The following KCNH7 variants were observed in gnomAD, a reference collection of about 807,000 sequenced individuals.
KCNH7 encodes the protein potassium voltage-gated channel subfamily H member 7.
KCNH7 carries 49 observed loss-of-function variants against 120.8 expected under a neutral mutation model. The observed-to-expected ratio is 0.41, with a 90% CI of 0.32 to 0.51. The LOEUF (loss-of-function observed/expected upper bound fraction) is 0.51. Among genes scored for constraint, KCNH7 ranks in the 20% least tolerant of loss-of-function variants. The probability of loss-of-function intolerance (pLI) is 0.38; values close to 1 mark genes in which losing one functional copy is unlikely to be tolerated. For synonymous variants in KCNH7, 547 were observed against 516.1 expected, an observed-to-expected ratio of 1.06 and a Z score of -0.81; for missense variants, 1,097 against 1,446.6, an observed-to-expected ratio of 0.76 and a Z score of 3.92.
intron 2 of KCNH7, among the ~76,000 whole-genome samples, chr2:162,642,096 T>C (rs1347135973): frequency 6.6e-6 from 1 of 152,138 alleles, no homozygotes; most frequent in Non-Finnish European, 1.5e-5. Flanking sequence ...TAGATAAGTA[T>C]AGAGTACGAG....
chr2:162,779,821 C>A (rs1343000947), intron 2 of KCNH7, among the ~76,000 whole-genome samples: 1 of 152,140 alleles, frequency 6.6e-6, no homozygotes, highest in South Asian at 2.1e-4. Flanking sequence ...AACCACTGGA[C>A]ACAGTAATTA....
At chr2:162,693,659 A>G (rs755713387) in intron 2 of KCNH7, among the ~76,000 whole-genome samples, 2 of 152,234 alleles carry the variant, frequency 1.3e-5, no homozygotes, top group Non-Finnish European at 2.9e-5. Flanking sequence ...AGGTTCTGGC[A>G]ATATTTCTCT....
intron 2 of KCNH7, among the ~76,000 whole-genome samples, chr2:162,707,575 G>A (rs1428378313): frequency 2.6e-5 from 4 of 152,076 alleles, no homozygotes; most frequent in Non-Finnish European, 5.9e-5. Context: ...AAGAACAAAG[G>A]TGGTGTCTGT....
intron 14 of KCNH7, among the ~76,000 whole-genome samples, chr2:162,377,590 G>A (rs1026341942): frequency 1.3e-5 from 2 of 152,140 alleles, no homozygotes; most frequent in African/African-American, 4.8e-5. Context: ...AGATGTCCTT[G>A]CAGAAGTATG....
chr2:162,746,764 A>T (rs938498518), intron 2 of KCNH7, among the ~76,000 whole-genome samples: 1 of 152,164 alleles, frequency 6.6e-6, no homozygotes, highest in African/African-American at 2.4e-5. Context: ...TGCAAAGAAA[A>T]CTTATGGATA....
chr2:162,541,480 G>T (rs967698558), intron 2 of KCNH7, among the ~76,000 whole-genome samples: 1 of 152,020 alleles, frequency 6.6e-6, no homozygotes, highest in African/African-American at 2.4e-5. Context: ...AGAAAATGTG[G>T]TACAGATACA....
intron 6 of KCNH7, among the ~76,000 whole-genome samples, chr2:162,500,430 A>C (rs986120258): frequency 1.3e-5 from 2 of 150,560 alleles, no homozygotes; most frequent in Admixed American, 1.3e-4. Context: ...AAATACATGA[A>C]TGACCAACGA....
intron 6 of KCNH7, among the ~76,000 whole-genome samples, chr2:162,450,879 T>TA (rs772166285): frequency 3.3e-5 from 5 of 152,022 alleles, no homozygotes; most frequent in Non-Finnish European, 5.9e-5. Flanking sequence ...AAGCCTACAC[T>TA]AGGAACCAGG....
At chr2:162,721,898 A>C (rs1271830084) in intron 2 of KCNH7, among the ~76,000 whole-genome samples, 15 of 152,160 alleles carry the variant, frequency 9.9e-5, no homozygotes, top group Non-Finnish European at 2.1e-4. Context: ...AAGTCCTACA[A>C]AGTAATTATA....
At chr2:162,503,335 A>G (rs1284846041) in intron 6 of KCNH7, among the ~76,000 whole-genome samples, 3 of 152,206 alleles carry the variant, frequency 2.0e-5, no homozygotes, top group African/African-American at 7.2e-5. Flanking sequence ...TGTCAATAAA[A>G]TGTGCGTAAC....
At chr2:162,542,557 A>G (rs879887248) in intron 2 of KCNH7, among the ~76,000 whole-genome samples, 4 of 151,806 alleles carry the variant, frequency 2.6e-5, no homozygotes, top group Non-Finnish European at 5.9e-5. Context: ...AATTTCATCC[A>G]TGTCCCTACA....
chr2:162,546,142 C>T (rs565695301), intron 2 of KCNH7, among the ~76,000 whole-genome samples: 1 of 152,114 alleles, frequency 6.6e-6, no homozygotes, highest in Admixed American at 6.6e-5. Flanking sequence ...CACTTCTCAG[C>T]TCTGGTTCCT....
chr2:162,793,157 G>A lies in KCNH7; in HGVS notation c.307+43380C>T, dbSNP rs923558688. 5.3e-5 allele frequency among the ~76,000 whole-genome samples: 8 copies of A among 152,070 alleles called. 1 individual carries two copies. The Middle Eastern group carries it at 0.01, about 194-fold the overall frequency. On this transcript the variant is annotated intron_variant, in intron 2 of 15. Coordinates refer to ENST00000332142, the MANE Select transcript of KCNH7 (RefSeq NM_033272.4). ...TCACGTACGTTGCAAGGACATAGGT[G>A]GAGCTGGAGGCCATTATCCTTAGCA...
chr2:162,380,621 T>C (rs1258998586), intron 13 of KCNH7, among the ~76,000 whole-genome samples: 1 of 152,190 alleles, frequency 6.6e-6, no homozygotes, highest in Non-Finnish European at 1.5e-5. Flanking sequence ...TAATGCTTTC[T>C]TGTAGCCCCT....
chr2:162,784,192 T>C (rs1004758736), intron 2 of KCNH7, among the ~76,000 whole-genome samples: 1 of 152,198 alleles, frequency 6.6e-6, no homozygotes, highest in Non-Finnish European at 1.5e-5. Flanking sequence ...TGCTACTTAA[T>C]ACTATTGTTT....
chr2:162,613,091 G>A (rs1683024035), intron 2 of KCNH7, among the ~76,000 whole-genome samples: 1 of 151,838 alleles, frequency 6.6e-6, no homozygotes, highest in Non-Finnish European at 1.5e-5. Flanking sequence ...CTTTCAGAAT[G>A]GAAAAGCAAG....
intron 6 of KCNH7, among the ~76,000 whole-genome samples, chr2:162,474,766 A>G (rs1428995074): frequency 6.7e-6 from 1 of 150,292 alleles, no homozygotes; most frequent in African/African-American, 2.5e-5. Context: ...GAAGAGGATC[A>G]TCTGAGGCAG....
At chr2:162,804,276 A>G (rs1684452640) in intron 2 of KCNH7, among the ~76,000 whole-genome samples, 3 of 151,852 alleles carry the variant, frequency 2.0e-5, no homozygotes, top group Admixed American at 6.6e-5. Flanking sequence ...CCAAATAAGA[A>G]GAGAAGTCGT....
intron 3 of KCNH7, among the ~76,000 whole-genome samples, chr2:162,532,910 G>A (rs372321011): frequency 7.8e-4 from 118 of 151,928 alleles, no homozygotes; most frequent in African/African-American, 2.7e-3. Context: ...TGAATGGCAG[G>A]AGACTAAAGA....
Sources: allele counts gnomAD v4.1 joint callset (sites outside exome capture counted in the v4.1 genomes callset), GRCh38; gene constraint gnomAD v4.1.1; transcripts MANE v1.5; gene names NCBI Gene and HGNC (gene_info 2026-07-23, HGNC 2026-07-21).